TOGARAM1: variants seen among roughly 807,000 people sequenced by gnomAD.
The protein encoded by TOGARAM1 is TOG array regulator of axonemal microtubules protein 1.
In TOGARAM1, 100 loss-of-function variants were observed where a neutral mutation model predicts 166.6. The observed-to-expected ratio is 0.60, with a 90% confidence interval of 0.51 to 0.71. The LOEUF (loss-of-function observed/expected upper bound fraction) is 0.71, where lower values mean the gene tolerates loss of function less well. Among genes scored for constraint, TOGARAM1 ranks in the 30% least tolerant of loss-of-function variants. TOGARAM1 has a pLI of 0.00. For missense variants in TOGARAM1, 2,029 were observed against 2,102.7 expected (o/e 0.96, Z 0.69); for synonymous variants, 758 against 763.8 (o/e 0.99, Z 0.13).
intron 1 of TOGARAM1, among the ~76,000 whole-genome samples, chr14:44,980,363 A>AT (rs1399274137): frequency 2.0e-5 from 3 of 152,132 alleles, no homozygotes; most frequent in Admixed American, 1.3e-4. Flanking sequence ...TGGAAGGATG[A>AT]TTTTTTAAAT....
intron 11 of TOGARAM1, among the ~76,000 whole-genome samples, chr14:45,037,683 T>G (rs1015884455): frequency 1.3e-5 from 2 of 152,120 alleles, no homozygotes; most frequent in African/African-American, 4.8e-5. Flanking sequence ...TAATTATAAT[T>G]GGAACTTCAA....
In TOGARAM1 at chr14:44,963,817, G is replaced by A; in HGVS notation, c.1396G>A (p.Val466Ile). Residue 466 changes from valine to isoleucine, a missense_variant, in exon 1 of 20, where the codon GTA (valine) becomes ATA (isoleucine). Coordinates refer to ENST00000361462, the MANE Select transcript of TOGARAM1 (RefSeq NM_001308120.2). ...MKIFLKLMKE[V>I]GPQQVLCLLL... ...AATCTTCCTCAAGCTAATGAAGGAA[G>A]TAGGACCTCAGCAGGTGCTTTGTTT... 2 of 1,614,204 alleles carry A rather than the reference G, an allele frequency of 1.2e-6. No homozygotes were observed. The highest frequency in any genetic ancestry group is 1.7e-6 in the Non-Finnish European group (2 of 1,180,020).
intron 7 of TOGARAM1, among the ~76,000 whole-genome samples, chr14:45,021,966 G>C (rs1880541344): frequency 2.0e-5 from 3 of 152,082 alleles, no homozygotes. Flanking sequence ...TTTTTGGGGA[G>C]AGTTTCGGAT....
chr14:45,017,567 C>T (rs2138877257), intron 7 of TOGARAM1, among the ~76,000 whole-genome samples: 1 of 152,284 alleles, frequency 6.6e-6, no homozygotes, highest in Non-Finnish European at 1.5e-5. Flanking sequence ...GTGGTAGAAC[C>T]TGAGAAAGCT....
chr14:45,054,492 G>A lies in TOGARAM1; in HGVS notation c.4502G>A (p.Ser1501Asn). The A allele has an allele frequency of 1.2e-6, 2 of 1,613,712 alleles. No homozygotes were observed. The highest frequency in any genetic ancestry group is 1.7e-6 in the Non-Finnish European group (2 of 1,179,804). Residue 1501 changes from serine (S) to asparagine (N), a missense_variant, in exon 16 of 20, where the codon AGT becomes AAT. Coordinates refer to ENST00000361462, the MANE Select transcript of TOGARAM1 (RefSeq NM_001308120.2). Reference sequence around the variant, plus strand: ...AAAGGAAGACGATCTCATACTGGCAGTGTTGGAAATACAAGATCATCATCT... The same window carrying A: ...AAAGGAAGACGATCTCATACTGGCAATGTTGGAAATACAAGATCATCATCT... The part of the protein sequence containing the change: ...SAKGRRSHTG[S>N]VGNTRSSSVS...
At chr14:45,034,357 T>C (rs889247468) in intron 11 of TOGARAM1, among the ~76,000 whole-genome samples, 1 of 152,006 alleles carries the variant, frequency 6.6e-6, no homozygotes, top group East Asian at 1.9e-4. Context: ...GACATGGTGC[T>C]GAGAGTTTGA....
At chr14:45,052,745 C>T (rs1882437227) in intron 15 of TOGARAM1, among the ~76,000 whole-genome samples, 183 bp downstream of exon 15, 1 of 152,064 alleles carries the variant, frequency 6.6e-6, no homozygotes. Context: ...ATTGTCAAGC[C>T]TTGGAAGTAA....
Position 44,967,173 on chromosome 14 carries a change from A to G in TOGARAM1, c.2046+2706A>G, listed in dbSNP as rs1885602823. ...ACCCTTTCAGTGGACAGAACCAAGG[A>G]GTACTTGTTTTTTGTTTGTTTGTTT... On this transcript the variant is annotated intron_variant, in intron 1 of 19. Coordinates refer to ENST00000361462, the MANE Select transcript of TOGARAM1 (RefSeq NM_001308120.2). Among the ~76,000 whole-genome samples the G allele has an allele frequency of 2.0e-5, 3 of 152,160 alleles. No homozygotes were observed. The South Asian group carries it at 6.2e-4, about 31-fold the overall frequency.
chr14:44,991,895 A>C lies in TOGARAM1; in HGVS notation c.2047-3851A>C, dbSNP rs563355520. Among the ~76,000 whole-genome samples the C allele has an allele frequency of 7.3e-5, 11 of 151,676 alleles. No individual in the cohort carries two copies. The East Asian group carries it at 2.1e-3, about 29-fold the overall frequency. ...TTTAAATTTAATTTTTCTTTTGATA[A>C]CTTTGGTATTTTTTATATTTTTTAC... On this transcript the variant is annotated intron_variant, in intron 1 of 19. Transcript: ENST00000361462.
chr14:45,006,586 A>G (rs1202918209), intron 5 of TOGARAM1: 1 of 164,484 alleles, frequency 6.1e-6, no homozygotes, highest in Non-Finnish European at 1.3e-5. Flanking sequence ...CTTCCAGTGA[A>G]CAGTTTGTCA....
intron 1 of TOGARAM1, among the ~76,000 whole-genome samples, chr14:44,974,679 T>C (rs997738939): frequency 2.0e-5 from 3 of 152,146 alleles, no homozygotes; most frequent in Admixed American, 1.3e-4. Flanking sequence ...AATTACACTT[T>C]TGATGAGCGT....
intron 1 of TOGARAM1, among the ~76,000 whole-genome samples, chr14:44,973,395 C>T (rs1886001216): frequency 6.6e-6 from 1 of 151,878 alleles, no homozygotes; most frequent in Non-Finnish European, 1.5e-5. Flanking sequence ...TTTCTTCCTC[C>T]CTGTCACCTG....
At chr14:44,983,310 A>G (rs995045304) in intron 1 of TOGARAM1, among the ~76,000 whole-genome samples, 3 of 152,226 alleles carry the variant, frequency 2.0e-5, no homozygotes, top group African/African-American at 7.2e-5. Context: ...AACAAAGAGA[A>G]GATGACTTAA....
In TOGARAM1 at chr14:44,962,647, G is replaced by C. The variant is rs1885227103; in HGVS notation, c.226G>C (p.Glu76Gln). The C allele has an allele frequency of 2.5e-6, 4 of 1,614,144 alleles. No homozygotes were observed. The highest frequency in any genetic ancestry group is 3.4e-6 in the Non-Finnish European group (4 of 1,179,998). ...GGCCTCGGCCCTCTTGATGCCCTCG[G>C]AGGCAGTCTCAAGCAGCTGGTCTGA... ...PLASALLMPS[E>Q]AVSSSWSESG... The change falls in exon 1 of 20, where the codon GAG (glutamate) becomes CAG (glutamine). Residue 76 changes from glutamate (E) to glutamine (Q), a missense_variant. Glu to Gln is a conservative substitution (Grantham distance 29). Transcript: ENST00000361462.
intron 19 of TOGARAM1, 42 bp from the exon 20 acceptor site, chr14:45,073,254 T>A (rs752519909): frequency 1.9e-6 from 3 of 1,557,230 alleles, no homozygotes; most frequent in Non-Finnish European, 2.6e-6. Flanking sequence ...TTGGGCTTAT[T>A]TATTAAGAAA....
Position 45,012,043 on chromosome 14 carries a change from T to C in TOGARAM1, c.3206T>C (p.Ile1069Thr). 6.2e-7 allele frequency: 1 copy of C among 1,611,394 alleles called. No homozygotes were observed. Among genetic ancestry groups the C allele is most frequent in the East Asian group, 2.2e-5 (1 of 44,762 alleles). The change falls in exon 7 of 20, where the codon ATT becomes ACT. Residue 1069 changes from isoleucine (I) to threonine (T), a missense_variant. Ile to Thr is a moderately conservative substitution (Grantham distance 89). Around this residue, in one of 2 missense-constraint regions of TOGARAM1, gnomAD observed 1,453 missense variants for 1,432.2 expected, o/e 1.01. Coordinates refer to ENST00000361462, the MANE Select transcript of TOGARAM1 (RefSeq NM_001308120.2). ...AGACTTTCTTCTGCAAAGAAAAAAA[T>C]TTCTCATATTGCTGAACAAAGCCCC... ...PTRLSSAKKK[I>T]SHIAEQSPSA...
At chr14:45,069,251 C>A (rs1464917919) in intron 18 of TOGARAM1, among the ~76,000 whole-genome samples, 3 of 151,976 alleles carry the variant, frequency 2.0e-5, no homozygotes, top group Non-Finnish European at 4.4e-5. Flanking sequence ...TGCCTGTAAT[C>A]CCAGCTACCC....
intron 1 of TOGARAM1, among the ~76,000 whole-genome samples, chr14:44,970,321 A>C (rs73348285): frequency 0.054 from 8,227 of 152,204 alleles, 271 homozygotes; most frequent in East Asian, 0.13. Flanking sequence ...ATTTTTTTTA[A>C]ATTTCAAATT....
In TOGARAM1 at chr14:45,066,725, T is replaced by C; in HGVS notation, c.4707T>C (p.Asp1569=). 1.2e-6 allele frequency: 2 copies of C among 1,613,462 alleles called. No individual in the cohort carries two copies. The highest frequency in any genetic ancestry group is 1.7e-6 in the Non-Finnish European group (2 of 1,179,550). Residue 1569 remains aspartate, a synonymous_variant, in exon 17 of 20, where the codon GAT becomes GAC. Coordinates refer to ENST00000361462, the MANE Select transcript of TOGARAM1 (RefSeq NM_001308120.2). ...ATGGGATTAAGCAGCTTTTATCAGA[T>C]ACAGAAAATAATCAAGACCTTGTTG... ...RINGIKQLLS[D]TENNQDLVVG...
Sources: allele counts gnomAD v4.1 joint callset (sites outside exome capture counted in the v4.1 genomes callset), GRCh38; gene constraint gnomAD v4.1.1; regional missense constraint gnomAD v4.1.1; transcripts MANE v1.5; gene names NCBI Gene and HGNC (gene_info 2026-07-23, HGNC 2026-07-21).